GGA1: variants seen among roughly 807,000 people sequenced by gnomAD.
The protein encoded by GGA1 is golgi associated, gamma adaptin ear containing, ARF binding protein 1, also known as ADP-ribosylation factor-binding protein GGA1.
GGA1 carries 18 observed loss-of-function variants against 76.9 expected under a neutral mutation model. The observed-to-expected ratio is 0.23, with a 90% CI of 0.16 to 0.35. GGA1 has a LOEUF of 0.35. Among genes scored for constraint, GGA1 ranks in the 10% least tolerant of loss-of-function variants. GGA1 has a pLI of 1.00. For missense variants in GGA1, 755 were observed against 859.0 expected (o/e 0.88, Z 1.51); for synonymous variants, 342 against 354.7 (o/e 0.96, Z 0.40).
At position 37,625,705 on chromosome 22, in the gene GGA1, C is replaced by T. The variant is rs528956570; in HGVS notation, c.941-92C>T. Reference sequence around the variant, plus strand: ...AGGCAGGAGACCAGTGGTAAAGCATCGGGGGTTAGGTGTTGCTCCCCCGCA... The same window carrying T: ...AGGCAGGAGACCAGTGGTAAAGCATTGGGGGTTAGGTGTTGCTCCCCCGCA... On this transcript the variant is annotated intron_variant, in intron 10 of 16. Coordinates refer to ENST00000343632, the MANE Select transcript of GGA1 (RefSeq NM_013365.5). This position sits in a 1 kb window ranked among gnomAD's most constrained non-coding sequence, Gnocchi z 4.1. 1.1e-5 allele frequency: 11 copies of T among 978,090 alleles called. No individual in the cohort carries two copies. Among genetic ancestry groups the T allele is most frequent in the Middle Eastern group, 2.3e-4 (1 of 4,376 alleles). The allele number at this position is 978,090 out of a possible 1,614,324, so 60.6% of individuals were successfully genotyped here. A position where few individuals can be genotyped will look rare whatever the true frequency, so the allele number is the denominator to read the frequency against.
chr22:37,613,328 G>A (rs1403950973), intron 1 of GGA1: 1 of 188,268 alleles, frequency 5.3e-6, no homozygotes, highest in Non-Finnish European at 9.9e-6. Context: ...GTCCCTGCTT[G>A]TGTGTTGCCT....
rs376822259 is a variant in GGA1, at chr22:37,614,175, G to T, written c.44-15G>T. ...CCACTGCCGGGCCACAATGACCCCA[G>T]CTCTCCTCTTCCAGATAGAGCCACG... On this transcript the variant is annotated splice_polypyrimidine_tract_variant and intron_variant, in intron 1 of 16. Coordinates refer to ENST00000343632, the MANE Select transcript of GGA1 (RefSeq NM_013365.5). 3 of 1,592,560 alleles carry T rather than the reference G, an allele frequency of 1.9e-6. No homozygotes were observed.
At chr22:37,620,182 G>T in intron 4 of GGA1, 56 bp from the exon 5 acceptor site, 1 of 1,605,798 alleles carries the variant, frequency 6.2e-7, no homozygotes, top group Non-Finnish European at 8.5e-7. Flanking sequence ...CAGGGCTTGA[G>T]ACTGAAGTGA....
rs896616933 is a variant in GGA1 at position 37,625,161 on chromosome 22, C to A, written c.940+85C>A. ...GCAGGGTGGTGTGCTGGTCTCAGAG[C>A]GGCTGGAATGACTGCCAGGGTGACC... On this transcript the variant is annotated intron_variant, in intron 10 of 16. Transcript: ENST00000343632. This position sits in a 1 kb window ranked among gnomAD's most constrained non-coding sequence, Gnocchi z 4.1. 3 of 1,250,524 alleles carry A rather than the reference C, an allele frequency of 2.4e-6. No individual in the cohort carries two copies. The highest frequency in any genetic ancestry group is 2.0e-5 in the Admixed American group (1 of 49,604). The allele number at this position is 1,250,524 out of a possible 1,614,324, so 77.5% of individuals were successfully genotyped here. A position where few individuals can be genotyped will look rare whatever the true frequency, so the allele number is the denominator to read the frequency against.
chr22:37,630,084 A>T lies in GGA1; in HGVS notation c.1245A>T (p.Pro415=). The change falls in exon 13 of 17, where the codon CCA becomes CCT. Residue 415 remains proline, a synonymous_variant. Transcript: ENST00000343632. ...GACCCCCAGCGCAGACATCCCTGCC[A>T]GCAAGCAGCGGTCTGGACGACCTAG... The part of the protein sequence containing the change: ...ESRPPAQTSL[P]ASSGLDDLDL... 6.2e-7 allele frequency: 1 copy of T among 1,610,400 alleles called. No individual in the cohort carries two copies.
intron 11 of GGA1, 75 bp from the exon 12 acceptor site, chr22:37,629,387 A>C: frequency 9.8e-7 from 1 of 1,015,632 alleles, no homozygotes; most frequent in Non-Finnish European, 1.5e-6. Context: ...CCATGCCAGC[A>C]CACATGGCCC....
chr22:37,614,541 T>C (rs1928384970), intron 2 of GGA1, among the ~76,000 whole-genome samples: 1 of 152,190 alleles, frequency 6.6e-6, no homozygotes, highest in Non-Finnish European at 1.5e-5. Context: ...AGTCCTGAGC[T>C]TGGTAAGACC....
At chr22:37,631,735 G>A (rs1039544102) in intron 14 of GGA1, among the ~76,000 whole-genome samples, 4 of 152,180 alleles carry the variant, frequency 2.6e-5, no homozygotes, top group Non-Finnish European at 5.9e-5. Flanking sequence ...ACACAGCATC[G>A]GGGGAAGCTG....
At chr22:37,621,754 A>C in intron 7 of GGA1, 58 bp downstream of exon 7, 2 of 1,149,714 alleles carry the variant, frequency 1.7e-6, no homozygotes, top group Non-Finnish European at 2.5e-6. Context: ...GAGCTGGGCC[A>C]CTGAGATGGG....
At chr22:37,631,231 G>C in intron 14 of GGA1, 132 bp downstream of exon 14, 1 of 652,704 alleles carries the variant, frequency 1.5e-6, no homozygotes. Flanking sequence ...GGGGAGCTCT[G>C]AACAAGGCCC....
In GGA1 at chr22:37,630,039, G is replaced by A. The variant is rs373746006; in HGVS notation, c.1200G>A (p.Gln400=). ...ATEPPAPALA[Q]APSMESRPPA... is the part of the protein sequence containing the mutation. ...AGCCCCCAGCCCCTGCTCTGGCCCAGGCCCCCAGTATGGAAAGCCGACCCC... is the reference window on the plus strand; with the variant it reads ...AGCCCCCAGCCCCTGCTCTGGCCCAAGCCCCCAGTATGGAAAGCCGACCCC... The change falls in exon 13 of 17, where the codon CAG becomes CAA. Residue 400 remains glutamine (Q), a synonymous_variant. Transcript: ENST00000343632. The A allele has an allele frequency of 2.2e-5, 35 of 1,600,006 alleles. No individual in the cohort carries two copies. The African/African-American group carries it at 4.2e-4, about 19-fold the overall frequency.
At chr22:37,620,708 T>G in intron 5 of GGA1, 105 bp from the exon 6 acceptor site, 1 of 777,132 alleles carries the variant, frequency 1.3e-6, no homozygotes, top group South Asian at 1.4e-5. Context: ...GGCAAAAGAC[T>G]GACCTCCCTC....
chr22:37,610,276 C>T (rs1378200188), intron 1 of GGA1: 2 of 152,328 alleles, frequency 1.3e-5, no homozygotes, highest in South Asian at 4.1e-4. Context: ...TTTCCTTCCC[C>T]CTTTGTGTCC....
In GGA1 at chr22:37,624,710, T is replaced by G; in HGVS notation, c.833-259T>G. ...GGGCAGCCAGAGAGCAGAGCTGGAG[T>G]GGAGGCCTGGAGGCGGGAGCGGGCC... On this transcript the variant is annotated intron_variant, in intron 9 of 16. Transcript: ENST00000343632. This position sits in a 1 kb window ranked among gnomAD's most constrained non-coding sequence, Gnocchi z 4.3. 1 of 414,424 alleles carries G rather than the reference T, an allele frequency of 2.4e-6. No individual in the cohort carries two copies. Among genetic ancestry groups the G allele is most frequent in the Non-Finnish European group, 4.6e-6 (1 of 218,720 alleles). 25.7% of individuals were successfully genotyped at this position (414,424 alleles called of 1,614,324 possible). A position where few individuals can be genotyped will look rare whatever the true frequency, so the allele number is the denominator to read the frequency against.
chr22:37,625,757 G>T lies in GGA1; in HGVS notation c.941-40G>T, dbSNP rs779042863. The T allele has an allele frequency of 6.7e-7, 1 of 1,501,614 alleles. No homozygotes were observed. The highest frequency in any genetic ancestry group is 1.3e-5 in the South Asian group (1 of 76,290). The allele number at this position is 1,501,614 out of a possible 1,614,324, so 93.0% of individuals were successfully genotyped here. ...CCCCTGTGGACTCTGAGAGACACGT[G>T]TACACCCAGGACTTGCCAGCCTCTT... On this transcript the variant is annotated intron_variant, in intron 10 of 16. Transcript: ENST00000343632. This position sits in a 1 kb window ranked among gnomAD's most constrained non-coding sequence, Gnocchi z 4.1.
chr22:37,609,400 A>G, intron 1 of GGA1: 1 of 921,090 alleles, frequency 1.1e-6, no homozygotes, highest in Non-Finnish European at 1.4e-6. Flanking sequence ...GGAAGGGAGG[A>G]CCCACTGCCC....
At chr22:37,631,145 T>A in intron 14 of GGA1, 46 bp downstream of exon 14, 2 of 1,413,584 alleles carry the variant, frequency 1.4e-6, no homozygotes, top group Middle Eastern at 4.6e-4. Flanking sequence ...GTCAGCTTGC[T>A]GCCCTGTCAG....
chr22:37,629,171 A>T (rs1273298813), intron 11 of GGA1, among the ~76,000 whole-genome samples: 1 of 152,106 alleles, frequency 6.6e-6, no homozygotes, highest in Admixed American at 6.5e-5. Context: ...CTGCTGCCAG[A>T]TGACGAGTGA....
At chr22:37,612,826 A>T in intron 1 of GGA1, 1 of 621,966 alleles carries the variant, frequency 1.6e-6, no homozygotes, top group Non-Finnish European at 2.0e-6. Context: ...GGGGAAATGG[A>T]GGTTCAGGGA....
Sources: gnomAD v4.1 joint callset for allele counts (sites outside exome capture counted in the v4.1 genomes callset) on GRCh38, gnomAD v4.1.1 for gene constraint, Gnocchi (gnomAD v3.1) non-coding constraint, MANE v1.5 for transcripts, NCBI Gene and HGNC (gene_info 2026-07-23, HGNC 2026-07-21) for gene names.